The following NCEH1 variants were observed in gnomAD, a reference collection of about 807,000 sequenced individuals.
NCEH1 encodes the protein neutral cholesterol ester hydrolase 1.
NCEH1 carries 9 observed loss-of-function variants against 25.4 expected under a neutral mutation model. The observed-to-expected ratio is 0.35, with a 90% CI of 0.21 to 0.62. The LOEUF (loss-of-function observed/expected upper bound fraction) is 0.62, where lower values mean the gene tolerates loss of function less well. NCEH1 is among the 20% of genes least tolerant of loss of function. The pLI, the probability that NCEH1 is intolerant of heterozygous loss-of-function variation, is 0.72. For missense variants in NCEH1, 412 were observed against 501.1 expected, an observed-to-expected ratio of 0.82 and a Z score of 1.70; for synonymous variants, 200 against 199.8, an observed-to-expected ratio of 1.00 and a Z score of -0.01.
At chr3:172,696,008 T>C (rs533760188) in intron 1 of NCEH1, among the ~76,000 whole-genome samples, 14 of 152,148 alleles carry the variant, frequency 9.2e-5, no homozygotes, top group African/African-American at 3.4e-4. Context: ...ATGATAATGA[T>C]GATTCATATA....
chr3:172,639,634 C>CATATTAATATTATGGATGCAT, intron 3 of NCEH1, among the ~76,000 whole-genome samples: 1 of 152,140 alleles, frequency 6.6e-6, no homozygotes, highest in Non-Finnish European at 1.5e-5. Context: ...GATGTTATAT[C>CATATTAATATTATGGATGCAT]ATATTAATAT....
At chr3:172,701,158 T>A (rs998063043) in intron 1 of NCEH1, among the ~76,000 whole-genome samples, 1 of 152,196 alleles carries the variant, frequency 6.6e-6, no homozygotes, top group Non-Finnish European at 1.5e-5. Flanking sequence ...GATCTGTATA[T>A]GCAGCTGTTT....
intron 1 of NCEH1, among the ~76,000 whole-genome samples, chr3:172,710,349 C>A (rs1007710207): frequency 3.3e-5 from 5 of 152,172 alleles, no homozygotes; most frequent in African/African-American, 4.8e-5. Flanking sequence ...TCTCCGGGAA[C>A]GGAGCGCTCC....
At chr3:172,683,803 A>C (rs1423718045) in intron 1 of NCEH1, among the ~76,000 whole-genome samples, 2 of 152,254 alleles carry the variant, frequency 1.3e-5, no homozygotes, top group Non-Finnish European at 2.9e-5. Context: ...AGAAGAATAC[A>C]TCTAATGTAA....
chr3:172,647,092 C>A (rs1717151828), intron 2 of NCEH1, among the ~76,000 whole-genome samples: 6 of 151,584 alleles, frequency 4.0e-5, no homozygotes, highest in Admixed American at 1.3e-4. Flanking sequence ...AAAAGTCAAA[C>A]CTTTTGACCT....
chr3:172,693,850 T>C (rs185191555), intron 1 of NCEH1, among the ~76,000 whole-genome samples: 1 of 152,330 alleles, frequency 6.6e-6, no homozygotes, highest in Non-Finnish European at 1.5e-5. Flanking sequence ...TCCTGTAAAA[T>C]ACTGACCCAC....
chr3:172,660,730 T>C (rs1717936959), intron 1 of NCEH1, among the ~76,000 whole-genome samples: 1 of 152,250 alleles, frequency 6.6e-6, no homozygotes, highest in South Asian at 2.1e-4. Context: ...TGGCCAGTGA[T>C]GATGAGCATT....
At chr3:172,670,470 T>C (rs548765046) in intron 1 of NCEH1, among the ~76,000 whole-genome samples, 30 of 152,316 alleles carry the variant, frequency 2.0e-4, no homozygotes, top group Admixed American at 7.2e-4. Flanking sequence ...TCAAGTACAA[T>C]AGCCACATCC....
At chr3:172,636,162 G>T in intron 3 of NCEH1, 75 bp from the exon 4 acceptor site, 1 of 940,550 alleles carries the variant, frequency 1.1e-6, no homozygotes, top group East Asian at 2.5e-5. Flanking sequence ...GATGGAAACT[G>T]GTTCTTTTAA....
chr3:172,674,923 A>G (rs1711869663), intron 1 of NCEH1, among the ~76,000 whole-genome samples: 1 of 152,254 alleles, frequency 6.6e-6, no homozygotes, highest in African/African-American at 2.4e-5. Context: ...TTTTACTATC[A>G]TTACGTTTAA....
intron 1 of NCEH1, among the ~76,000 whole-genome samples, chr3:172,649,163 A>C (rs1489234190): frequency 6.6e-6 from 1 of 152,152 alleles, no homozygotes; most frequent in East Asian, 1.9e-4. Context: ...CCTCTGGGCA[A>C]ATTCCTGAGC....
At position 172,633,689 on chromosome 3, in the gene NCEH1, GGGA is replaced by G. The variant is rs755515835; in HGVS notation, c.1010_1012del (p.Leu337del). 1 of 1,614,222 alleles carries G rather than the reference GGGA, an allele frequency of 6.2e-7. No homozygotes were observed. The highest frequency in any genetic ancestry group is 2.2e-5 in the East Asian group (1 of 44,886). ...CTCACACGTCAGAATGTAGGTCTTT[GGGA>G]GGAGCTGCAGCACTGCCTGGTCTGC... On this transcript the variant is annotated inframe_deletion, in exon 5 of 5. Transcript: ENST00000475381.
At chr3:172,701,612 G>T (rs1576783504) in intron 1 of NCEH1, among the ~76,000 whole-genome samples, 1 of 130,392 alleles carries the variant, frequency 7.7e-6, no homozygotes, top group African/African-American at 3.2e-5. Flanking sequence ...ACCATGCCCA[G>T]CTAGTTTTTT....
chr3:172,659,237 CT>C (rs1379495468), intron 1 of NCEH1, among the ~76,000 whole-genome samples: 2 of 152,066 alleles, frequency 1.3e-5, no homozygotes, highest in Non-Finnish European at 2.9e-5. Context: ...TTTGCAAAAG[CT>C]TTGAAAGATA....
chr3:172,709,723 C>T (rs1159805591), intron 1 of NCEH1, among the ~76,000 whole-genome samples: 2 of 152,218 alleles, frequency 1.3e-5, no homozygotes, highest in Non-Finnish European at 2.9e-5. Context: ...GGAACAGGAA[C>T]ATAAACCCTC....
At chr3:172,680,310 G>T (rs995895676) in intron 1 of NCEH1, among the ~76,000 whole-genome samples, 65 of 152,198 alleles carry the variant, frequency 4.3e-4, no homozygotes, top group Admixed American at 5.9e-4. Flanking sequence ...ACATCTGAAT[G>T]ACAGCTGGTG....
At chr3:172,650,694 C>T (rs1236456731) in intron 1 of NCEH1, among the ~76,000 whole-genome samples, 1 of 150,504 alleles carries the variant, frequency 6.6e-6, no homozygotes, top group Non-Finnish European at 1.5e-5. Flanking sequence ...TGCCTGTAAT[C>T]CCAGCTACTC....
At chr3:172,689,648 T>C (rs1712916531) in intron 1 of NCEH1, among the ~76,000 whole-genome samples, 2 of 146,520 alleles carry the variant, frequency 1.4e-5, no homozygotes, top group South Asian at 2.2e-4. Flanking sequence ...GAGGCGGAGA[T>C]TGCAATGAGC....
chr3:172,654,936 T>A (rs985452641), intron 1 of NCEH1, among the ~76,000 whole-genome samples: 1 of 152,212 alleles, frequency 6.6e-6, no homozygotes. Flanking sequence ...ATATGAGAAT[T>A]TAATTAAAAT....
Sources: gnomAD v4.1 joint callset for allele counts (sites outside exome capture counted in the v4.1 genomes callset) on GRCh38, gnomAD v4.1.1 for gene constraint, MANE v1.5 for transcripts, NCBI Gene and HGNC (gene_info 2026-07-23, HGNC 2026-07-21) for gene names.